The following MARCO variants were observed in gnomAD, a reference collection of about 807,000 sequenced individuals.
MARCO encodes macrophage receptor MARCO.
Under a neutral mutation model 70.0 loss-of-function variants are expected in MARCO, and 72 were observed. That is an observed-to-expected ratio of 1.03 (90% CI 0.85 to 1.25). The LOEUF (loss-of-function observed/expected upper bound fraction) is 1.25. Ranked by LOEUF, MARCO falls within the 50% of genes most tolerant of loss-of-function variation. The pLI is 0.00. For missense variants in MARCO, 696 were observed against 659.3 expected, an observed-to-expected ratio of 1.06 and a Z score of -0.61; for synonymous variants, 273 against 243.1, an observed-to-expected ratio of 1.12 and a Z score of -1.14.
At chr2:118,986,649 G>T (rs1403777466) in intron 12 of MARCO, among the ~76,000 whole-genome samples, 7 of 45,462 alleles carry the variant, frequency 1.5e-4, no homozygotes, top group Non-Finnish European at 2.7e-4. Flanking sequence ...AAGAAAGAAA[G>T]AAAGAAGGAA....
At position 118,994,429 on chromosome 2, in the gene MARCO, C is replaced by A. The variant is rs772912755; in HGVS notation, c.1472C>A (p.Thr491Lys). 5 of 1,614,086 alleles carry A rather than the reference C, an allele frequency of 3.1e-6. 1 individual carries two copies. The South Asian group carries it at 5.5e-5, about 18-fold the overall frequency. ...CTGGATAATGTTCAGTGTCGGGGCA[C>A]GGAGAGTACCCTGTGGAGCTGCACC... The part of the protein sequence containing the change: ...IWLDNVQCRG[T>K]ESTLWSCTKN... Residue 491 changes from threonine to lysine, a missense_variant, in exon 17 of 17, where the codon ACG (threonine) becomes AAG (lysine). Physicochemically the swap from Thr to Lys is moderately conservative, Grantham distance 78. Transcript: ENST00000327097.
At chr2:118,957,047 G>C (rs1156520978) in intron 1 of MARCO, among the ~76,000 whole-genome samples, 1 of 151,976 alleles carries the variant, frequency 6.6e-6, no homozygotes, top group East Asian at 1.9e-4. Context: ...AAGTCTGAAA[G>C]AGCACAGACA....
intron 1 of MARCO, among the ~76,000 whole-genome samples, chr2:118,959,443 A>G (rs982906513): frequency 2.6e-5 from 4 of 152,114 alleles, no homozygotes; most frequent in African/African-American, 9.7e-5. Context: ...ATACTACCTT[A>G]CTCCTGCAAG....
At chr2:118,948,449 A>G (rs1246826922) in intron 1 of MARCO, among the ~76,000 whole-genome samples, 1 of 152,222 alleles carries the variant, frequency 6.6e-6, no homozygotes, top group Non-Finnish European at 1.5e-5. Flanking sequence ...ATAAGGAAGG[A>G]GCATAGGGTG....
intron 15 of MARCO, 151 bp downstream of exon 15, chr2:118,992,627 C>T (rs1680643941): frequency 3.0e-6 from 2 of 656,828 alleles, no homozygotes; most frequent in Middle Eastern, 2.5e-4. Flanking sequence ...TGAGCCTGCC[C>T]ACGGCACAGA....
chr2:118,964,823 G>A (rs1046239088), intron 1 of MARCO, among the ~76,000 whole-genome samples: 115 of 151,394 alleles, frequency 7.6e-4, no homozygotes, highest in African/African-American at 2.7e-3. Context: ...AGGAGATGGA[G>A]GTTGAAGCGA....
intron 12 of MARCO, among the ~76,000 whole-genome samples, chr2:118,987,330 A>T (rs1680536731): frequency 6.6e-6 from 1 of 152,168 alleles, no homozygotes; most frequent in Non-Finnish European, 1.5e-5. Flanking sequence ...GCAGGAGCTG[A>T]TCCTATCAGG....
intron 2 of MARCO, among the ~76,000 whole-genome samples, chr2:118,969,888 A>G (rs1050920945): frequency 2.0e-5 from 3 of 152,220 alleles, no homozygotes; most frequent in Non-Finnish European, 4.4e-5. Context: ...GCACAGCTTT[A>G]GGCCACGCAG....
At chr2:118,964,806 T>A (rs1680013299) in intron 1 of MARCO, among the ~76,000 whole-genome samples, 1 of 150,576 alleles carries the variant, frequency 6.6e-6, no homozygotes, top group Admixed American at 6.7e-5. Context: ...AAGAATCACC[T>A]GAACCCAGGA....
chr2:118,955,076 C>T (rs1487110323), intron 1 of MARCO, among the ~76,000 whole-genome samples: 1 of 151,502 alleles, frequency 6.6e-6, no homozygotes, highest in African/African-American at 2.4e-5. Flanking sequence ...ACTAGTTCAC[C>T]AGCAATGGAT....
At chr2:118,976,336 G>A (rs1680283334) in intron 6 of MARCO, among the ~76,000 whole-genome samples, 1 of 152,120 alleles carries the variant, frequency 6.6e-6, no homozygotes, top group Non-Finnish European at 1.5e-5. Flanking sequence ...GAGCCCATCT[G>A]CACTTTCTGC....
At chr2:118,957,506 C>T (rs1679860396) in intron 1 of MARCO, among the ~76,000 whole-genome samples, 1 of 151,420 alleles carries the variant, frequency 6.6e-6, no homozygotes. Flanking sequence ...AAAAATTACC[C>T]CCCAAAAACA....
intron 1 of MARCO, among the ~76,000 whole-genome samples, chr2:118,959,555 G>A (rs954881714): frequency 6.6e-6 from 1 of 152,174 alleles, no homozygotes; most frequent in Non-Finnish European, 1.5e-5. Flanking sequence ...AACTAGGACA[G>A]CTGCTATGGA....
At chr2:118,961,011 T>A (rs891564155) in intron 1 of MARCO, among the ~76,000 whole-genome samples, 30 of 152,184 alleles carry the variant, frequency 2.0e-4, no homozygotes, top group African/African-American at 7.0e-4. Flanking sequence ...GTTCCTACAT[T>A]AGTTTTCTGA....
Position 118,993,215 on chromosome 2 carries a change from T to A in MARCO, c.1344T>A (p.Asp448Glu). The A allele has an allele frequency of 6.2e-7, 1 of 1,614,160 alleles. No homozygotes were observed. Among genetic ancestry groups the A allele is most frequent in the Non-Finnish European group, 8.5e-7 (1 of 1,180,022 alleles). ...GTGGTACCTGGGGGACAATTTGCGA[T>A]GACGAGTGGCAAAATTCTGATGCCA... ...YYSGTWGTIC[D>E]DEWQNSDAIV... The change falls in exon 16 of 17, where the codon GAT becomes GAA. Residue 448 changes from aspartate to glutamate, a missense_variant. Coordinates refer to ENST00000327097, the MANE Select transcript of MARCO (RefSeq NM_006770.4).
intron 1 of MARCO, 57 bp downstream of exon 1, chr2:118,942,454 G>A (rs1000780772): frequency 5.9e-6 from 8 of 1,365,034 alleles, no homozygotes; most frequent in African/African-American, 4.3e-5. Flanking sequence ...TTCTGCTAGC[G>A]AGATACGAAA....
At chr2:118,986,693 G>GAAAGA (rs1558671882) in intron 12 of MARCO, among the ~76,000 whole-genome samples, 8 of 73,598 alleles carry the variant, frequency 1.1e-4, no homozygotes, top group Non-Finnish European at 1.6e-4. Flanking sequence ...AAGAAAGAAA[G>GAAAGA]AAAGAAAGAA....
intron 1 of MARCO, among the ~76,000 whole-genome samples, chr2:118,960,350 A>C (rs1377055266): frequency 1.3e-5 from 2 of 152,124 alleles, no homozygotes; most frequent in Non-Finnish European, 2.9e-5. Context: ...ATCTTAAGGG[A>C]AAAGTGTCCT....
intron 1 of MARCO, among the ~76,000 whole-genome samples, chr2:118,961,046 A>G (rs904043305): frequency 6.6e-6 from 1 of 152,140 alleles, no homozygotes; most frequent in Non-Finnish European, 1.5e-5. Context: ...AGCTCCATCC[A>G]TGTCACTGCA....
Sources: allele counts gnomAD v4.1 joint callset (sites outside exome capture counted in the v4.1 genomes callset), GRCh38; gene constraint gnomAD v4.1.1; transcripts MANE v1.5; gene names NCBI Gene and HGNC (gene_info 2026-07-23, HGNC 2026-07-21).